Variants in CLIC6 observed in about 807,000 individuals in gnomAD.
The protein encoded by CLIC6 is chloride intracellular channel protein 6.
In CLIC6, 39 loss-of-function variants were observed where a neutral mutation model predicts 49.2. The observed-to-expected ratio is 0.79, with a 90% confidence interval of 0.61 to 1.04. CLIC6 has a LOEUF of 1.04. CLIC6 is among the 50% of genes least tolerant of loss of function. CLIC6 has a pLI of 0.00. For synonymous variants in CLIC6, 446 were observed against 433.4 expected, an observed-to-expected ratio of 1.03 and a Z score of -0.36; for missense variants, 988 against 993.1, an observed-to-expected ratio of 0.99 and a Z score of 0.07.
At chr21:34,692,723 A>C (rs1215138703) in intron 1 of CLIC6, among the ~76,000 whole-genome samples, 1 of 152,178 alleles carries the variant, frequency 6.6e-6, no homozygotes, top group Non-Finnish European at 1.5e-5. Flanking sequence ...TTGTTAATAG[A>C]TTGCTCTAGG....
chr21:34,702,745 G>C (rs2055988958), intron 1 of CLIC6, among the ~76,000 whole-genome samples: 1 of 152,212 alleles, frequency 6.6e-6, no homozygotes, highest in Non-Finnish European at 1.5e-5. Context: ...AGGCCGGGAA[G>C]GGATTCAGGG....
intron 1 of CLIC6, among the ~76,000 whole-genome samples, chr21:34,700,132 G>A (rs1471959480): frequency 6.6e-6 from 1 of 152,084 alleles, no homozygotes; most frequent in Non-Finnish European, 1.5e-5. Flanking sequence ...GGCATTCACC[G>A]GTGTCAGCTT....
intron 1 of CLIC6, among the ~76,000 whole-genome samples, chr21:34,690,864 A>G (rs917774943): frequency 2.0e-5 from 3 of 150,164 alleles, no homozygotes; most frequent in African/African-American, 7.3e-5. Context: ...TACATGTCAA[A>G]AAAAAAAAAA....
In CLIC6 at chr21:34,674,564, T is replaced by C. The variant is rs182141117; in HGVS notation, c.1374+3802T>C. Among the ~76,000 whole-genome samples the C allele has an allele frequency of 1.8e-3, 281 of 152,338 alleles. 9 individuals carry two copies. Among genetic ancestry groups the C allele is most frequent in the Middle Eastern group, 0.01 (3 of 294 alleles). On this transcript the variant is annotated intron_variant, in intron 1 of 5. Transcript: ENST00000349499. Reference sequence around the variant, plus strand: ...CATGTTATTAATTTGTCAGTTTGTTTTATTTTACAAGCATGCAAGGATGCA... The same window carrying C: ...CATGTTATTAATTTGTCAGTTTGTTCTATTTTACAAGCATGCAAGGATGCA...
chr21:34,682,870 G>A (rs528350958), intron 1 of CLIC6, among the ~76,000 whole-genome samples: 205 of 129,768 alleles, frequency 1.6e-3, no homozygotes, highest in African/African-American at 5.6e-3. Context: ...GGAGTGCGGT[G>A]GCGCGATCTC....
At chr21:34,671,141 AAGAAG>A (rs768329385) in intron 1 of CLIC6, among the ~76,000 whole-genome samples, 2 of 84,798 alleles carry the variant, frequency 2.4e-5, no homozygotes, top group African/African-American at 9.2e-5. Flanking sequence ...AAAAAAAAAA[AAGAAG>A]AAGAAGAAGA....
intron 5 of CLIC6, among the ~76,000 whole-genome samples, chr21:34,713,279 G>A (rs886636023): frequency 6.6e-6 from 1 of 152,098 alleles, no homozygotes; most frequent in Non-Finnish European, 1.5e-5. Flanking sequence ...CAGCCTCAAA[G>A]AAATGAAAGA....
At chr21:34,675,567 A>AAATT (rs1989649653) in intron 1 of CLIC6, among the ~76,000 whole-genome samples, 1 of 152,232 alleles carries the variant, frequency 6.6e-6, no homozygotes, top group Non-Finnish European at 1.5e-5. Context: ...ACCTGCCTAC[A>AAATT]AATTACACAT....
At chr21:34,688,717 G>A (rs1568962118) in intron 1 of CLIC6, among the ~76,000 whole-genome samples, 2 of 152,302 alleles carry the variant, frequency 1.3e-5, no homozygotes, top group Middle Eastern at 3.4e-3. Flanking sequence ...ACAGCTGAGC[G>A]GACCTCAGTG....
chr21:34,684,441 A>G (rs745853753), intron 1 of CLIC6, among the ~76,000 whole-genome samples: 1 of 152,250 alleles, frequency 6.6e-6, no homozygotes, highest in Non-Finnish European at 1.5e-5. Context: ...TATTTGGAAG[A>G]TGAATCAATT....
chr21:34,709,512 C>A lies in CLIC6; in HGVS notation c.1873C>A (p.Leu625Ile). 1 of 1,613,976 alleles carries A rather than the reference C, an allele frequency of 6.2e-7. No homozygotes were observed. The highest frequency in any genetic ancestry group is 8.5e-7 in the Non-Finnish European group (1 of 1,179,844). Residue 625 changes from leucine to isoleucine, a missense_variant, in exon 5 of 6, where the codon CTC (leucine) becomes ATC (isoleucine). By Grantham distance (5) the Leu-to-Ile change is conservative. Around this residue, in one of 3 missense-constraint regions of CLIC6, gnomAD observed 647 missense variants for 596.9 expected, o/e 1.08. Transcript: ENST00000349499. ...GDELTLADCN[L>I]LPKLHIIKIV... ...CGAGCTGACGCTGGCTGACTGCAAC[C>A]TCTTACCCAAGCTCCATATTATTAA...
Position 34,716,689 on chromosome 21 carries a change from C to T in CLIC6, c.*207C>T. ...AAATGAAAATACTGCTTTGTAATTA[C>T]AAAATGAGACACACCTATCTTGATA... On this transcript the variant is annotated 3_prime_UTR_variant, in exon 6 of 6. Transcript: ENST00000349499. The T allele has an allele frequency of 4.9e-6, 2 of 412,192 alleles. No individual in the cohort carries two copies. Among genetic ancestry groups the T allele is most frequent in the Non-Finnish European group, 8.6e-6 (2 of 232,566 alleles). The allele number at this position is 412,192 out of a possible 1,614,324, so 25.5% of individuals were successfully genotyped here.
At chr21:34,693,967 G>C (rs374312703) in intron 1 of CLIC6, among the ~76,000 whole-genome samples, 4 of 142,804 alleles carry the variant, frequency 2.8e-5, no homozygotes, top group Non-Finnish European at 6.0e-5. Flanking sequence ...TGTTGTTGTT[G>C]TTGTTTTCTT....
chr21:34,670,799 C>T (rs191102714), intron 1 of CLIC6, 37 bp downstream of exon 1: 2 of 1,570,196 alleles, frequency 1.3e-6, no homozygotes, highest in African/African-American at 1.4e-5. Flanking sequence ...GGACGACCCC[C>T]TTCCATTCGA....
intron 1 of CLIC6, among the ~76,000 whole-genome samples, chr21:34,676,068 C>T (rs1386110061): frequency 1.3e-5 from 2 of 152,234 alleles, no homozygotes; most frequent in African/African-American, 2.4e-5. Context: ...GGGTTCCTCC[C>T]CTCACATGGG....
chr21:34,714,299 T>C (rs1366509990), intron 5 of CLIC6, among the ~76,000 whole-genome samples: 5 of 152,084 alleles, frequency 3.3e-5, no homozygotes, highest in Admixed American at 1.3e-4. Flanking sequence ...ATTACCACCA[T>C]TGGAAGGAGG....
intron 5 of CLIC6, among the ~76,000 whole-genome samples, chr21:34,713,066 T>C (rs959311144): frequency 1.3e-5 from 2 of 152,130 alleles, no homozygotes; most frequent in Non-Finnish European, 2.9e-5. Context: ...GTCCAGTAGA[T>C]CTGCCTCATT....
intron 5 of CLIC6, among the ~76,000 whole-genome samples, chr21:34,715,832 A>G (rs2056082425): frequency 6.6e-6 from 1 of 152,194 alleles, no homozygotes; most frequent in African/African-American, 2.4e-5. Context: ...CGATGCTCTT[A>G]GTGGCAGCAT....
At chr21:34,700,043 A>G (rs1375350746) in intron 1 of CLIC6, among the ~76,000 whole-genome samples, 1 of 152,146 alleles carries the variant, frequency 6.6e-6, no homozygotes, top group Non-Finnish European at 1.5e-5. Flanking sequence ...CACGTGGTTG[A>G]TAAAGCAAAG....
Sources: allele counts gnomAD v4.1 joint callset (sites outside exome capture counted in the v4.1 genomes callset), GRCh38; gene constraint gnomAD v4.1.1; regional missense constraint gnomAD v4.1.1; transcripts MANE v1.5; gene names NCBI Gene and HGNC (gene_info 2026-07-23, HGNC 2026-07-21).